Variants in MAPT observed in about 807,000 individuals in gnomAD.
MAPT encodes the protein microtubule associated protein tau.
MAPT carries 34 observed loss-of-function variants against 67.9 expected under a neutral mutation model. The observed-to-expected ratio is 0.50, with a 90% CI of 0.38 to 0.67. The LOEUF is 0.67. MAPT is among the 30% of genes least tolerant of loss of function. The pLI is 0.00. For missense variants in MAPT, 881 were observed against 1,115.2 expected (o/e 0.79, Z 2.99); for synonymous variants, 456 against 464.5 (o/e 0.98, Z 0.23).
intron 1 of MAPT, among the ~76,000 whole-genome samples, chr17:45,947,309 T>C (rs2068600557): frequency 6.6e-6 from 1 of 151,746 alleles, no homozygotes; most frequent in Non-Finnish European, 1.5e-5. Context: ...CACAGAAGAG[T>C]ATGTTTAGCA....
chr17:46,013,384 C>A (rs577606931), intron 10 of MAPT, among the ~76,000 whole-genome samples: 1 of 152,380 alleles, frequency 6.6e-6, no homozygotes, highest in South Asian at 2.1e-4. Context: ...GCGTGCCCCC[C>A]ACAGGGGAGC....
intron 6 of MAPT, among the ~76,000 whole-genome samples, chr17:45,988,456 C>G (rs747974735): frequency 3.9e-5 from 6 of 152,180 alleles, no homozygotes; most frequent in Non-Finnish European, 8.8e-5. Context: ...ACGGGCAGGA[C>G]GAACTGTGGG....
At chr17:45,994,831 A>G (rs1240812670) in intron 8 of MAPT, among the ~76,000 whole-genome samples, 2 of 152,190 alleles carry the variant, frequency 1.3e-5, no homozygotes, top group East Asian at 1.9e-4. Context: ...CCTCTACTAA[A>G]GAAATCTTTA....
At chr17:46,004,764 A>G (rs2075290391) in intron 9 of MAPT, among the ~76,000 whole-genome samples, 1 of 152,082 alleles carries the variant, frequency 6.6e-6, no homozygotes, top group Non-Finnish European at 1.5e-5. Flanking sequence ...ACATGGAAAA[A>G]AAATTTCTTT....
chr17:45,983,735 G>A lies in MAPT; in HGVS notation c.1156G>A (p.Val386Met), dbSNP rs747178896. 21 of 1,614,060 alleles carry A rather than the reference G, an allele frequency of 1.3e-5. No individual in the cohort carries two copies. The South Asian group carries it at 1.5e-4, about 12-fold the overall frequency. ...FTFHVEITPN[V>M]QKEQAHSEEH... ...GTTTCACGTGGAAATCACACCCAAC[G>A]TGCAGAAGGAGCAGGCGCACTCGGA... Residue 386 changes from valine to methionine, a missense_variant, in exon 5 of 13, where the codon GTG (valine) becomes ATG (methionine). Transcript: ENST00000262410.
At chr17:46,014,623 C>T (rs1452778243) in intron 11 of MAPT, among the ~76,000 whole-genome samples, 2 of 152,130 alleles carry the variant, frequency 1.3e-5, no homozygotes. Context: ...GCCTGTAATT[C>T]CAGCACTTTG....
chr17:45,963,853 G>A (rs1028424639), intron 2 of MAPT, among the ~76,000 whole-genome samples: 10 of 152,152 alleles, frequency 6.6e-5, no homozygotes, highest in African/African-American at 1.2e-4. Flanking sequence ...TGGGAGGCAC[G>A]TTTCAGATTT....
chr17:45,972,216 A>G (rs1453013474), intron 3 of MAPT: 15 of 630,176 alleles, frequency 2.4e-5, no homozygotes, highest in Non-Finnish European at 4.1e-5. Flanking sequence ...GCTCCATACG[A>G]TTGTCCTCCC....
intron 9 of MAPT, chr17:45,999,544 G>A (rs932490812): frequency 6.2e-7 from 1 of 1,613,406 alleles, no homozygotes; most frequent in African/African-American, 1.3e-5. Context: ...GAATGGGGCT[G>A]AGCAGGGAAG....
At chr17:45,928,483 C>T (rs971870287) in intron 1 of MAPT, among the ~76,000 whole-genome samples, 2 of 152,188 alleles carry the variant, frequency 1.3e-5, no homozygotes, top group East Asian at 1.9e-4. Context: ...CCACAAGGCA[C>T]CTGCACAAGG....
At chr17:45,928,628 T>C (rs1171874572) in intron 1 of MAPT, among the ~76,000 whole-genome samples, 2 of 152,024 alleles carry the variant, frequency 1.3e-5, no homozygotes, top group African/African-American at 4.8e-5. Flanking sequence ...CTAGGCCAAT[T>C]GGATCCAAAT....
At chr17:45,967,295 G>C (rs1489269504) in intron 2 of MAPT, among the ~76,000 whole-genome samples, 4 of 152,156 alleles carry the variant, frequency 2.6e-5, no homozygotes, top group African/African-American at 9.7e-5. Context: ...ACTTCCAAGG[G>C]ATTTAACAAG....
rs879400416 is a variant in MAPT, at chr17:45,971,573, AGGTG to A, written c.134-284_134-281del. Among the ~76,000 whole-genome samples the A allele has an allele frequency of 0.14, 21,988 of 152,256 alleles. 2,133 individuals carry two copies. Among genetic ancestry groups the A allele is most frequent in the Non-Finnish European group, 0.22 (14,738 of 67,996 alleles). On this transcript the variant is annotated intron_variant, in intron 2 of 12. Coordinates refer to ENST00000262410, the MANE Select transcript of MAPT (RefSeq NM_001377265.1). This position sits in a 1 kb window ranked among gnomAD's most constrained non-coding sequence, Gnocchi z 4.3. ...CCAATGGAAGATAAACCTTTGCCTC[AGGTG>A]GCACCACTAGCTGGTTAAGAGGCAC... is the stretch of plus-strand genomic sequence containing the variant.
chr17:45,898,771 G>A (rs764619458), intron 1 of MAPT: 11 of 152,170 alleles, frequency 7.2e-5, no homozygotes, highest in African/African-American at 2.2e-4. Flanking sequence ...AAAAACAGCC[G>A]TAGGGGCCTA....
intron 9 of MAPT, among the ~76,000 whole-genome samples, chr17:46,000,500 T>C (rs1415907697): frequency 6.6e-6 from 1 of 152,170 alleles, no homozygotes; most frequent in African/African-American, 2.4e-5. Context: ...CCCGCCGATC[T>C]TGTGGGAGTC....
chr17:46,009,882 G>A (rs565734209), intron 9 of MAPT, among the ~76,000 whole-genome samples: 2 of 152,320 alleles, frequency 1.3e-5, no homozygotes, highest in East Asian at 3.9e-4. Flanking sequence ...ATGTGCCGGT[G>A]GGTCTAGCCA....
At chr17:45,903,237 C>T (rs753710663) in intron 1 of MAPT, among the ~76,000 whole-genome samples, 1 of 152,182 alleles carries the variant, frequency 6.6e-6, no homozygotes, top group Non-Finnish European at 1.5e-5. Context: ...TTGGAGCCAG[C>T]GTTCTAAATC....
intron 1 of MAPT, among the ~76,000 whole-genome samples, chr17:45,934,512 G>A (rs1376506191): frequency 2.6e-5 from 4 of 152,080 alleles, no homozygotes; most frequent in Non-Finnish European, 5.9e-5. Flanking sequence ...TTGCCCAAAT[G>A]GTATCATCAG....
At chr17:45,999,950 A>G (rs1226724149) in intron 9 of MAPT, among the ~76,000 whole-genome samples, 1 of 152,240 alleles carries the variant, frequency 6.6e-6, no homozygotes, top group African/African-American at 2.4e-5. Context: ...GTCCATGCAC[A>G]AGAGCCTTTA....
Sources: allele counts gnomAD v4.1 joint callset (sites outside exome capture counted in the v4.1 genomes callset), GRCh38; gene constraint gnomAD v4.1.1; non-coding constraint Gnocchi (gnomAD v3.1); transcripts MANE v1.5; gene names NCBI Gene and HGNC (gene_info 2026-07-23, HGNC 2026-07-21).